The following TLL1 variants were observed in gnomAD, a reference collection of about 807,000 sequenced individuals.
TLL1 encodes tolloid like 1.
Under a neutral mutation model 128.2 loss-of-function variants are expected in TLL1, and 49 were observed. The observed-to-expected ratio is 0.38, with a 90% CI of 0.30 to 0.48. The LOEUF (loss-of-function observed/expected upper bound fraction) is 0.48, where lower values mean the gene tolerates loss of function less well. TLL1 is among the 20% of genes least tolerant of loss of function. The probability of loss-of-function intolerance (pLI) is 0.96; values close to 1 mark genes in which losing one functional copy is unlikely to be tolerated. For missense variants in TLL1, 1,123 were observed against 1,242.0 expected (o/e 0.90, Z 1.44); for synonymous variants, 454 against 418.8 (o/e 1.08, Z -1.03).
At chr4:165,935,426 T>C (rs1579508663) in intron 1 of TLL1, among the ~76,000 whole-genome samples, 1 of 152,236 alleles carries the variant, frequency 6.6e-6, no homozygotes, top group Non-Finnish European at 1.5e-5. Flanking sequence ...ACTAATTTAA[T>C]GCACATGATC....
Position 166,101,091 on chromosome 4 carries a change from A to C in TLL1, c.*215A>C, listed in dbSNP as rs1207334969. ...TTTGAACTCCATGCTTGATGGTATT[A>C]ATAAAGCTGGTGAAAGGGCATCATA... On this transcript the variant is annotated 3_prime_UTR_variant, in exon 21 of 21. Transcript: ENST00000061240. 1 of 554,970 alleles carries C rather than the reference A, an allele frequency of 1.8e-6. No individual in the cohort carries two copies. Among genetic ancestry groups the C allele is most frequent in the Non-Finnish European group, 3.1e-6 (1 of 319,726 alleles). 34.4% of individuals were successfully genotyped at this position (554,970 alleles called of 1,614,324 possible).
At chr4:165,913,970 G>A (rs1205911378) in intron 1 of TLL1, among the ~76,000 whole-genome samples, 1 of 151,932 alleles carries the variant, frequency 6.6e-6, no homozygotes, top group Non-Finnish European at 1.5e-5. Context: ...GAGCCATGAT[G>A]GCACCTGCAC....
intron 17 of TLL1, among the ~76,000 whole-genome samples, chr4:166,076,320 G>A (rs1324264227): frequency 1.3e-5 from 2 of 151,998 alleles, no homozygotes; most frequent in East Asian, 3.9e-4. Context: ...CAATCCACCT[G>A]CCACGGCCTC....
At chr4:166,015,202 G>C (rs2111052226) in intron 8 of TLL1, among the ~76,000 whole-genome samples, 1 of 152,036 alleles carries the variant, frequency 6.6e-6, no homozygotes, top group African/African-American at 2.4e-5. Context: ...TGTACCTCCA[G>C]TATACTCACA....
chr4:165,955,487 T>C (rs1175167369), intron 1 of TLL1, among the ~76,000 whole-genome samples: 1 of 151,908 alleles, frequency 6.6e-6, no homozygotes, highest in Non-Finnish European at 1.5e-5. Flanking sequence ...AGACACATAG[T>C]CATCAGATTC....
In TLL1 at chr4:166,065,798, T is replaced by A. The variant is rs1168950763; in HGVS notation, c.2123T>A (p.Met708Lys). The change falls in exon 16 of 21, where the codon ATG (methionine) becomes AAG (lysine). Residue 708 changes from methionine to lysine, a missense_variant. Physicochemically the swap from Met to Lys is moderately conservative, Grantham distance 95. Around this residue, in one of 3 missense-constraint regions of TLL1, gnomAD observed 634 missense variants for 672.4 expected, o/e 0.94. Coordinates refer to ENST00000061240, the MANE Select transcript of TLL1 (RefSeq NM_012464.5). ...GTGATCACATCCCAGTTCAACAATA[T>A]GAGAATTGAATTCAAATCTGACAAT... Reference protein sequence around the residue: ...PEVITSQFNNMRIEFKSDNTV... With the variant: ...PEVITSQFNNKRIEFKSDNTV... 6.2e-7 allele frequency: 1 copy of A among 1,612,998 alleles called. No individual in the cohort carries two copies. Among genetic ancestry groups the A allele is most frequent in the Admixed American group, 1.7e-5 (1 of 59,876 alleles).
chr4:166,084,733 A>T (rs904383919), intron 18 of TLL1, among the ~76,000 whole-genome samples: 8 of 151,962 alleles, frequency 5.3e-5, no homozygotes, highest in African/African-American at 1.9e-4. Context: ...CTGTTTTATC[A>T]GTTTATGTGC....
intron 1 of TLL1, among the ~76,000 whole-genome samples, chr4:165,967,895 G>T (rs1257657673): frequency 6.6e-6 from 1 of 152,206 alleles, no homozygotes; most frequent in East Asian, 1.9e-4. Flanking sequence ...TTTATATTGA[G>T]TGTATCCTTT....
chr4:165,939,981 C>A (rs1303294358), intron 1 of TLL1, among the ~76,000 whole-genome samples: 1 of 151,904 alleles, frequency 6.6e-6, no homozygotes, highest in Non-Finnish European at 1.5e-5. Flanking sequence ...ATCTTGCATT[C>A]TCTTTTGTCT....
At chr4:165,903,226 T>G (rs1229770814) in intron 1 of TLL1, among the ~76,000 whole-genome samples, 2 of 151,960 alleles carry the variant, frequency 1.3e-5, no homozygotes, top group African/African-American at 4.8e-5. Context: ...TGGTCTCAGC[T>G]ACTCAGGAGG....
intron 12 of TLL1, among the ~76,000 whole-genome samples, chr4:166,047,888 G>C (rs749983286): frequency 6.6e-6 from 1 of 152,020 alleles, no homozygotes; most frequent in African/African-American, 2.4e-5. Flanking sequence ...GGGGTCTTTG[G>C]GACATGATTA....
chr4:165,905,304 C>T (rs1261420750), intron 1 of TLL1, among the ~76,000 whole-genome samples: 1 of 152,172 alleles, frequency 6.6e-6, no homozygotes, highest in Non-Finnish European at 1.5e-5. Flanking sequence ...ACCAAAATGT[C>T]CATCCTTAGG....
At chr4:165,912,788 C>T (rs1185661770) in intron 1 of TLL1, among the ~76,000 whole-genome samples, 1 of 151,802 alleles carries the variant, frequency 6.6e-6, no homozygotes, top group Non-Finnish European at 1.5e-5. Context: ...ATTCTATTCC[C>T]TTAAAAAAAG....
At chr4:165,946,432 C>A (rs1258640556) in intron 1 of TLL1, among the ~76,000 whole-genome samples, 2 of 151,776 alleles carry the variant, frequency 1.3e-5, no homozygotes, top group Admixed American at 6.6e-5. Flanking sequence ...ACCTCCCAGG[C>A]TCAAGTCCTC....
chr4:166,070,969 C>T (rs1236134538), intron 16 of TLL1, among the ~76,000 whole-genome samples: 1 of 151,820 alleles, frequency 6.6e-6, no homozygotes, highest in Non-Finnish European at 1.5e-5. Context: ...TAAATATTTG[C>T]ATGTTTATAG....
intron 5 of TLL1, among the ~76,000 whole-genome samples, chr4:166,003,050 T>TC: frequency 6.6e-6 from 1 of 152,334 alleles, no homozygotes; most frequent in East Asian, 1.9e-4. Context: ...CTTAACTATA[T>TC]GTCTTAGAAA....
intron 15 of TLL1, among the ~76,000 whole-genome samples, chr4:166,062,224 C>A (rs1740350750): frequency 6.6e-6 from 1 of 152,064 alleles, no homozygotes; most frequent in Non-Finnish European, 1.5e-5. Context: ...TCCATATGAA[C>A]TTTAAAGTAG....
At position 165,931,718 on chromosome 4, in the gene TLL1, C is replaced by CAAAAA. The variant is rs761214388; in HGVS notation, c.169+57649_169+57650insAAAAA. ...TGGGCGACAGAGTAAGACTCTGTCT[C>CAAAAA]AAAAGAAAAAAAAAAGAAATTGCAA... On this transcript the variant is annotated intron_variant, in intron 1 of 20. Coordinates refer to ENST00000061240, the MANE Select transcript of TLL1 (RefSeq NM_012464.5). Among the ~76,000 whole-genome samples, 26 of 133,530 alleles carry CAAAAA rather than the reference C, an allele frequency of 1.9e-4. 1 individual carries two copies. The highest frequency in any genetic ancestry group is 4.2e-4 in the Admixed American group (5 of 11,946). 87.6% of individuals were successfully genotyped at this position (133,530 alleles called of 152,430 possible). A position where few individuals can be genotyped will look rare whatever the true frequency, so the allele number is the denominator to read the frequency against.
chr4:165,969,695 C>G (rs1472627724), intron 1 of TLL1, among the ~76,000 whole-genome samples: 1 of 152,090 alleles, frequency 6.6e-6, no homozygotes, highest in Non-Finnish European at 1.5e-5. Context: ...GCCTGCTTTT[C>G]TCTCCCTTGA....
Sources: allele counts gnomAD v4.1 joint callset (sites outside exome capture counted in the v4.1 genomes callset), GRCh38; gene constraint gnomAD v4.1.1; regional missense constraint gnomAD v4.1.1; transcripts MANE v1.5; gene names NCBI Gene and HGNC (gene_info 2026-07-23, HGNC 2026-07-21).